The following PTPRG variants were observed in gnomAD, a reference collection of about 807,000 sequenced individuals.
PTPRG encodes protein tyrosine phosphatase receptor type G, also known as receptor-type tyrosine-protein phosphatase gamma.
A neutral mutation model predicts 165.3 loss-of-function variants in PTPRG; 102 were observed. That is an observed-to-expected ratio of 0.62 (90% CI 0.53 to 0.73). PTPRG has a LOEUF of 0.73. Ranked by LOEUF, PTPRG falls within the 30% of genes least tolerant of loss-of-function variation. The pLI is 0.00. For synonymous variants in PTPRG, 675 were observed against 669.5 expected, an observed-to-expected ratio of 1.01 and a Z score of -0.13; for missense variants, 1,866 against 1,861.4, an observed-to-expected ratio of 1.00 and a Z score of -0.05.
intron 1 of PTPRG, among the ~76,000 whole-genome samples, chr3:61,706,023 A>G (rs912638801): frequency 5.3e-5 from 8 of 152,230 alleles, no homozygotes; most frequent in Non-Finnish European, 8.8e-5. Flanking sequence ...ATAAAGAGCA[A>G]GTCCCCCAAG....
At chr3:61,725,303 G>C (rs1219222456) in intron 1 of PTPRG, among the ~76,000 whole-genome samples, 1 of 152,068 alleles carries the variant, frequency 6.6e-6, no homozygotes, top group Non-Finnish European at 1.5e-5. Flanking sequence ...TTTTAGTAGA[G>C]ACAGGATTTT....
intron 4 of PTPRG, among the ~76,000 whole-genome samples, chr3:62,076,208 G>A (rs1412342121): frequency 6.6e-6 from 1 of 152,088 alleles, no homozygotes; most frequent in Non-Finnish European, 1.5e-5. Context: ...GATCGCTTGA[G>A]TCCAGGAGGT....
rs957871253 is a variant in PTPRG at position 62,159,235 on chromosome 3, G to T, written c.840+2011G>T. 3.9e-5 allele frequency among the ~76,000 whole-genome samples: 6 copies of T among 152,032 alleles called. No individual in the cohort carries two copies. The East Asian group carries it at 5.8e-4, about 15-fold the overall frequency. ...GATCCCAGCTGCTTGGGAGGCTGAG[G>T]GGGGAGGATCACTTGAGTCTAGGAG... On this transcript the variant is annotated intron_variant, in intron 7 of 29. Coordinates refer to ENST00000474889, the MANE Select transcript of PTPRG (RefSeq NM_002841.4).
chr3:62,067,265 T>C (rs1183091589), intron 4 of PTPRG, among the ~76,000 whole-genome samples: 5 of 151,446 alleles, frequency 3.3e-5, no homozygotes, highest in African/African-American at 1.2e-4. Flanking sequence ...TCTTTTTTTT[T>C]TTTTTCTTTT....
At chr3:61,618,578 T>G (rs1004026819) in intron 1 of PTPRG, among the ~76,000 whole-genome samples, 2 of 152,226 alleles carry the variant, frequency 1.3e-5, no homozygotes, top group Non-Finnish European at 2.9e-5. Flanking sequence ...TGCAGAAGTT[T>G]AGCAGTGGAT....
intron 2 of PTPRG, among the ~76,000 whole-genome samples, chr3:61,864,994 G>C (rs1270271999): frequency 6.6e-6 from 1 of 152,096 alleles, no homozygotes; most frequent in East Asian, 1.9e-4. Flanking sequence ...TCATTCCCTT[G>C]CTCACGTGCT....
chr3:61,931,623 C>G (rs1447522753), intron 2 of PTPRG, among the ~76,000 whole-genome samples: 2 of 152,282 alleles, frequency 1.3e-5, no homozygotes, highest in East Asian at 3.9e-4. Flanking sequence ...CCTCTTCTAA[C>G]CTTGACTTTA....
At chr3:61,700,428 C>T (rs966662204) in intron 1 of PTPRG, among the ~76,000 whole-genome samples, 2 of 152,150 alleles carry the variant, frequency 1.3e-5, no homozygotes, top group African/African-American at 4.8e-5. Flanking sequence ...TAATTCAGCA[C>T]AGTACTAAAA....
Position 62,222,357 on chromosome 3 carries a change from T to G in PTPRG, c.2288+3374T>G, listed in dbSNP as rs1368223478. ...GGGATTTGCTGTCTGTGTGGTCTTC[T>G]CGCTCAAGCAGGCCCTCTGCCTGTT... On this transcript the variant is annotated intron_variant, in intron 13 of 29. Coordinates refer to ENST00000474889, the MANE Select transcript of PTPRG (RefSeq NM_002841.4). This position sits in a 1 kb window ranked among gnomAD's most constrained non-coding sequence, Gnocchi z 4.5. 1.3e-5 allele frequency among the ~76,000 whole-genome samples: 2 copies of G among 152,334 alleles called. No homozygotes were observed. Among genetic ancestry groups the G allele is most frequent in the East Asian group, 3.9e-4 (2 of 5,182 alleles).
chr3:61,813,981 A>G (rs2035677566), intron 2 of PTPRG, among the ~76,000 whole-genome samples: 1 of 151,442 alleles, frequency 6.6e-6, no homozygotes, highest in African/African-American at 2.4e-5. Context: ...GCTCACTGCA[A>G]CCTTGGTCTC....
At chr3:61,982,001 C>G (rs1390075570) in intron 2 of PTPRG, among the ~76,000 whole-genome samples, 1 of 152,144 alleles carries the variant, frequency 6.6e-6, no homozygotes, top group Non-Finnish European at 1.5e-5. Context: ...TAGCCTTGAA[C>G]TAGAACTCAA....
At chr3:62,056,592 C>A (rs1204517619) in intron 4 of PTPRG, among the ~76,000 whole-genome samples, 1 of 152,090 alleles carries the variant, frequency 6.6e-6, no homozygotes, top group Non-Finnish European at 1.5e-5. Context: ...ATGTCATGTG[C>A]ATTGTAGGAT....
At chr3:62,123,001 C>T (rs762397410) in intron 5 of PTPRG, among the ~76,000 whole-genome samples, 47 of 152,208 alleles carry the variant, frequency 3.1e-4, no homozygotes, top group Non-Finnish European at 5.7e-4. Context: ...TATTCTATTC[C>T]GCTACTCAGT....
chr3:61,564,735 C>CCACTGGTGGGGCTCCTGCCACCTCCA (rs1173524863), intron 1 of PTPRG, among the ~76,000 whole-genome samples: 4 of 152,202 alleles, frequency 2.6e-5, no homozygotes, highest in Admixed American at 2.6e-4. Flanking sequence ...CGCCCCCGAG[C>CCACTGGTGGGGCTCCTGCCACCTCCA]CACTGGTGGG....
chr3:62,053,256 A>G (rs1575941630), intron 4 of PTPRG, among the ~76,000 whole-genome samples: 1 of 143,760 alleles, frequency 7.0e-6, no homozygotes. Context: ...TTTGAACTTC[A>G]CTGCCTTGGG....
intron 15 of PTPRG, among the ~76,000 whole-genome samples, chr3:62,250,065 C>A (rs1701376203): frequency 6.6e-6 from 1 of 152,136 alleles, no homozygotes; most frequent in Non-Finnish European, 1.5e-5. Context: ...TTACTAAATG[C>A]CAGGCACTCT....
intron 1 of PTPRG, among the ~76,000 whole-genome samples, chr3:61,581,776 A>C (rs1016040006): frequency 6.6e-6 from 1 of 151,540 alleles, no homozygotes; most frequent in Non-Finnish European, 1.5e-5. Flanking sequence ...CGCCCAGCTA[A>C]TTTTTATATT....
intron 2 of PTPRG, among the ~76,000 whole-genome samples, chr3:61,781,322 G>A (rs983619897): frequency 6.6e-6 from 1 of 152,112 alleles, no homozygotes; most frequent in Non-Finnish European, 1.5e-5. Flanking sequence ...AACGTTGAGG[G>A]ATGACTAGGT....
At chr3:61,829,720 C>T (rs2107287352) in intron 2 of PTPRG, among the ~76,000 whole-genome samples, 1 of 152,286 alleles carries the variant, frequency 6.6e-6, no homozygotes, top group Non-Finnish European at 1.5e-5. Flanking sequence ...TGCTGTCTGA[C>T]ACAGCTTCCT....
Sources: gnomAD v4.1 joint callset for allele counts (sites outside exome capture counted in the v4.1 genomes callset) on GRCh38, gnomAD v4.1.1 for gene constraint, Gnocchi (gnomAD v3.1) non-coding constraint, MANE v1.5 for transcripts, NCBI Gene and HGNC (gene_info 2026-07-23, HGNC 2026-07-21) for gene names.